TRHDE: variants seen among roughly 807,000 people sequenced by gnomAD.
The protein encoded by TRHDE is thyrotropin releasing hormone degrading enzyme, also known as thyrotropin-releasing hormone-degrading ectoenzyme.
In TRHDE, 72 loss-of-function variants were observed where a neutral mutation model predicts 125.7. The observed-to-expected ratio is 0.57, with a 90% CI of 0.47 to 0.70. The LOEUF is 0.70. Ranked by LOEUF, TRHDE falls within the 30% of genes least tolerant of loss-of-function variation. The pLI, the probability that TRHDE is intolerant of heterozygous loss-of-function variation, is 0.00. For synonymous variants in TRHDE, 509 were observed against 509.1 expected (o/e 1.00, Z 0.00); for missense variants, 1,110 against 1,327.1 (o/e 0.84, Z 2.54).
rs146962957 is a variant in TRHDE at position 72,339,585 on chromosome 12, A to G, written c.1189-38410A>G. On this transcript the variant is annotated intron_variant, in intron 2 of 18. Transcript: ENST00000261180. Reference sequence around the variant, plus strand: ...TTTTGCTCTCATAGTTATGTTTCCAATGAGCATCTTCTATTTCTCCTTTAT... The same window carrying G: ...TTTTGCTCTCATAGTTATGTTTCCAGTGAGCATCTTCTATTTCTCCTTTAT... Among the ~76,000 whole-genome samples, 12 of 152,262 alleles carry G rather than the reference A, an allele frequency of 7.9e-5. No homozygotes were observed. The East Asian group carries it at 2.3e-3, about 29-fold the overall frequency.
rs149441180 is a variant in TRHDE at position 72,180,180 on chromosome 12, T to A, written n.279+74428T>A. Among the ~76,000 whole-genome samples, 160 of 151,976 alleles carry A rather than the reference T, an allele frequency of 1.1e-3. 1 individual carries two copies. The East Asian group carries it at 0.016, about 15-fold the overall frequency. Reference sequence around the variant, plus strand: ...TAGGGTACTAAGTTGTGCTTTTTTTTAAAAAAAAGTTATGTTTTTAGAGCT... The same window carrying A: ...TAGGGTACTAAGTTGTGCTTTTTTTAAAAAAAAAGTTATGTTTTTAGAGCT... On this transcript the variant is annotated intron_variant and non_coding_transcript_variant, in intron 2 of 4. Transcript: ENST00000548156.
intron 2 of TRHDE, among the ~76,000 whole-genome samples, chr12:72,288,784 G>A (rs1879985750): frequency 6.6e-6 from 1 of 152,106 alleles, no homozygotes; most frequent in Non-Finnish European, 1.5e-5. Context: ...TTACTTAGAT[G>A]TGACTTTTTG....
chr12:72,225,669 T>C (rs968396013), intron 2 of TRHDE, among the ~76,000 whole-genome samples: 17 of 152,200 alleles, frequency 1.1e-4, no homozygotes, highest in African/African-American at 4.1e-4. Context: ...CTTCTGTTTA[T>C]AATCACACCA....
intron 2 of TRHDE, among the ~76,000 whole-genome samples, chr12:72,148,205 A>G (rs1347264267): frequency 6.6e-6 from 1 of 152,052 alleles, no homozygotes; most frequent in East Asian, 1.9e-4. Flanking sequence ...TAACTCTTTT[A>G]TTTTTCCACA....
chr12:72,402,340 C>A (rs977912252), intron 3 of TRHDE, among the ~76,000 whole-genome samples: 3 of 152,090 alleles, frequency 2.0e-5, no homozygotes, highest in African/African-American at 7.2e-5. Context: ...GGGCCACATT[C>A]AAAGCCATCC....
Position 72,669,934 on chromosome 12 carries a change from G to C in TRHDE, c.*6739G>C, listed in dbSNP as rs1259696685. ...AGATTAGGGCTGAAAAACTAAAAAA[G>C]ATTAGGGCTTGTATTATGCATTGTC... On this transcript the variant is annotated 3_prime_UTR_variant, in exon 19 of 19. Coordinates refer to ENST00000261180, the MANE Select transcript of TRHDE (RefSeq NM_013381.3). 2 of 151,658 alleles carry C rather than the reference G, an allele frequency of 1.3e-5. No homozygotes were observed. Among genetic ancestry groups the C allele is most frequent in the East Asian group, 3.9e-4 (2 of 5,148 alleles). 9.4% of individuals were successfully genotyped at this position (151,658 alleles called of 1,614,324 possible).
chr12:72,218,363 T>C (rs1335391806), intron 2 of TRHDE, among the ~76,000 whole-genome samples: 1 of 152,158 alleles, frequency 6.6e-6, no homozygotes, highest in Non-Finnish European at 1.5e-5. Flanking sequence ...TTGATATTCT[T>C]CTTCTGACAT....
intron 3 of TRHDE, among the ~76,000 whole-genome samples, chr12:72,451,341 G>A (rs1025638974): frequency 1.3e-5 from 2 of 152,144 alleles, no homozygotes; most frequent in Non-Finnish European, 2.9e-5. Flanking sequence ...TATTCTGCAT[G>A]TGGATATTTA....
intron 2 of TRHDE, among the ~76,000 whole-genome samples, chr12:72,187,832 A>G (rs1305726578): frequency 2.0e-5 from 3 of 152,314 alleles, no homozygotes; most frequent in African/African-American, 7.2e-5. Context: ...TAATTGAAAG[A>G]TATGTACTGC....
chr12:72,557,113 AG>A (rs1869962570), intron 7 of TRHDE, among the ~76,000 whole-genome samples: 1 of 152,232 alleles, frequency 6.6e-6, no homozygotes, highest in Non-Finnish European at 1.5e-5. Flanking sequence ...CTTAAGATGC[AG>A]TAACAGATTC....
chr12:72,548,964 AC>A (rs1411000080), intron 7 of TRHDE, among the ~76,000 whole-genome samples: 1 of 151,848 alleles, frequency 6.6e-6, no homozygotes, highest in Non-Finnish European at 1.5e-5. Flanking sequence ...AGGGTAATTC[AC>A]CATCATCTAA....
intron 3 of TRHDE, among the ~76,000 whole-genome samples, chr12:72,449,151 C>T (rs1054972897): frequency 1.3e-5 from 2 of 151,994 alleles, no homozygotes; most frequent in Admixed American, 1.3e-4. Context: ...TTTTCATTGA[C>T]ACCAGATAAT....
chr12:72,645,614 C>CA (rs1188194438), intron 15 of TRHDE, among the ~76,000 whole-genome samples: 1 of 151,868 alleles, frequency 6.6e-6, no homozygotes, highest in Non-Finnish European at 1.5e-5. Flanking sequence ...CATTCAGAAG[C>CA]AAAAAACCCA....
intron 2 of TRHDE, among the ~76,000 whole-genome samples, chr12:72,241,829 T>C (rs747501551): frequency 6.6e-6 from 1 of 152,182 alleles, no homozygotes; most frequent in African/African-American, 2.4e-5. Context: ...AGTCTTTTCG[T>C]TAGGTTTTTT....
rs1400299549 is a variant in TRHDE, at chr12:72,664,449, G to A, written c.*1254G>A. Reference sequence around the variant, plus strand: ...CTTAAGATGAAAAGTTCCTTTTCTTGTGTTAATGTACAAAGCTTTTCTTTT... The same window carrying A: ...CTTAAGATGAAAAGTTCCTTTTCTTATGTTAATGTACAAAGCTTTTCTTTT... On this transcript the variant is annotated 3_prime_UTR_variant, in exon 19 of 19. Coordinates refer to ENST00000261180, the MANE Select transcript of TRHDE (RefSeq NM_013381.3). 4 of 152,406 alleles carry A rather than the reference G, an allele frequency of 2.6e-5. No homozygotes were observed. The Admixed American group carries it at 2.6e-4, about 10-fold the overall frequency. 9.4% of individuals were successfully genotyped at this position (152,406 alleles called of 1,614,324 possible). A position where few individuals can be genotyped will look rare whatever the true frequency, so the allele number is the denominator to read the frequency against.
chr12:72,625,122 G>A (rs2136081942), intron 15 of TRHDE, among the ~76,000 whole-genome samples: 1 of 151,864 alleles, frequency 6.6e-6, no homozygotes, highest in South Asian at 2.1e-4. Context: ...AAATCTCTTT[G>A]TTAAAACACA....
intron 3 of TRHDE, among the ~76,000 whole-genome samples, chr12:72,424,774 T>C (rs1403080128): frequency 6.6e-6 from 1 of 152,162 alleles, no homozygotes; most frequent in Non-Finnish European, 1.5e-5. Context: ...TTAAAGCTTT[T>C]GGGGGAAGAA....
chr12:72,519,252 G>T (rs1036947905), intron 6 of TRHDE, among the ~76,000 whole-genome samples: 1 of 152,112 alleles, frequency 6.6e-6, no homozygotes, highest in Admixed American at 6.6e-5. Flanking sequence ...TTCCAACTTG[G>T]TTCCATTCTC....
chr12:72,272,340 A>C (rs1414237935), upstream of TRHDE: 2 of 357,920 alleles, frequency 5.6e-6, no homozygotes, highest in Non-Finnish European at 5.5e-6. The surrounding 1 kb of genome is among the most constrained non-coding windows in gnomAD (Gnocchi z 6.7). Context: ...GGGCGGGGGC[A>C]GCATGTGCCC....
Sources: allele counts gnomAD v4.1 joint callset (sites outside exome capture counted in the v4.1 genomes callset), GRCh38; gene constraint gnomAD v4.1.1; non-coding constraint Gnocchi (gnomAD v3.1); transcripts MANE v1.5; gene names NCBI Gene and HGNC (gene_info 2026-07-23, HGNC 2026-07-21).